The following NKAIN2 variants were observed in gnomAD, a reference collection of about 807,000 sequenced individuals.
The protein encoded by NKAIN2 is sodium/potassium-transporting ATPase subunit beta-1-interacting protein 2.
A neutral mutation model predicts 32.6 loss-of-function variants in NKAIN2; 14 were observed. The observed-to-expected ratio is 0.43, with a 90% CI of 0.28 to 0.67. NKAIN2 has a LOEUF of 0.67. Ranked by LOEUF, NKAIN2 falls within the 30% of genes least tolerant of loss-of-function variation. The pLI, the probability that NKAIN2 is intolerant of heterozygous loss-of-function variation, is 0.17. For synonymous variants in NKAIN2, 80 were observed against 87.2 expected, an observed-to-expected ratio of 0.92 and a Z score of 0.46; for missense variants, 198 against 258.3, an observed-to-expected ratio of 0.77 and a Z score of 1.60.
At chr6:124,136,128 T>C (rs929336556) in intron 1 of NKAIN2, among the ~76,000 whole-genome samples, 1 of 152,108 alleles carries the variant, frequency 6.6e-6, no homozygotes, top group Non-Finnish European at 1.5e-5. Flanking sequence ...GATAAACCAT[T>C]AGCAAGATTT....
chr6:123,806,430 C>T (rs168212), intron 1 of NKAIN2, among the ~76,000 whole-genome samples: 117,534 of 151,924 alleles, frequency 0.77, 46,213 homozygotes, highest in Non-Finnish European at 0.83. Flanking sequence ...GATCACACCT[C>T]AAAGGACCTC....
intron 2 of NKAIN2, among the ~76,000 whole-genome samples, chr6:124,324,337 A>G (rs1310442323): frequency 1.3e-5 from 2 of 152,084 alleles, no homozygotes; most frequent in Non-Finnish European, 1.5e-5. Flanking sequence ...TTCTAGATTT[A>G]TACCTAAGTA....
intron 1 of NKAIN2, among the ~76,000 whole-genome samples, chr6:124,093,974 A>T (rs1455909589): frequency 6.6e-6 from 1 of 152,178 alleles, no homozygotes; most frequent in African/African-American, 2.4e-5. Context: ...GCCTGATTTT[A>T]ACTGGCAGGC....
Position 124,726,132 on chromosome 6 carries a change from G to T in NKAIN2, c.475-65207G>T, listed in dbSNP as rs1177381317. Among the ~76,000 whole-genome samples, 4 of 152,208 alleles carry T rather than the reference G, an allele frequency of 2.6e-5. No homozygotes were observed. In the East Asian group the frequency reaches 7.7e-4, roughly 29 times the overall value. The stretch of plus-strand genomic sequence containing the variant: ...GCAAGGCGGCAGCGAGCCTGGGGGA[G>T]GGGCGCCCACCATTGCCCAGGCTTG... On this transcript the variant is annotated intron_variant, in intron 4 of 6. Transcript: ENST00000368417.
At chr6:124,697,047 T>A (rs1009686182) in intron 4 of NKAIN2, among the ~76,000 whole-genome samples, 4 of 152,150 alleles carry the variant, frequency 2.6e-5, no homozygotes, top group Non-Finnish European at 5.9e-5. Context: ...ACCTCCATTA[T>A]AAAATAAAAA....
At chr6:124,389,493 C>T (rs1012113219) in intron 3 of NKAIN2, among the ~76,000 whole-genome samples, 5 of 152,014 alleles carry the variant, frequency 3.3e-5, no homozygotes, top group Non-Finnish European at 7.4e-5. Context: ...AATTCAAATG[C>T]AAATATGTTA....
At chr6:124,462,430 T>C (rs1395534590) in intron 3 of NKAIN2, among the ~76,000 whole-genome samples, 6 of 151,910 alleles carry the variant, frequency 3.9e-5, no homozygotes, top group Non-Finnish European at 7.4e-5. Flanking sequence ...AATATAAACC[T>C]CTCATCCTTT....
At chr6:124,138,537 G>A (rs1033232191) in intron 1 of NKAIN2, among the ~76,000 whole-genome samples, 3 of 149,938 alleles carry the variant, frequency 2.0e-5, no homozygotes, top group African/African-American at 5.0e-5. Flanking sequence ...ACATTTGCAT[G>A]TCTATGTTTA....
intron 1 of NKAIN2, among the ~76,000 whole-genome samples, chr6:123,940,979 C>T (rs1293044619): frequency 2.0e-5 from 3 of 151,828 alleles, no homozygotes; most frequent in Non-Finnish European, 4.4e-5. Flanking sequence ...TACAGCTCTA[C>T]GAATTTTTTA....
At chr6:124,275,652 C>A (rs1033439280) in intron 1 of NKAIN2, among the ~76,000 whole-genome samples, 4 of 152,038 alleles carry the variant, frequency 2.6e-5, no homozygotes, top group African/African-American at 7.2e-5. Flanking sequence ...TCAAGAAAGA[C>A]CCCCTCCAAA....
chr6:124,617,625 T>A (rs916563503), intron 3 of NKAIN2, among the ~76,000 whole-genome samples: 9 of 152,294 alleles, frequency 5.9e-5, no homozygotes, highest in African/African-American at 2.2e-4. Context: ...AATTATCAGC[T>A]CCTTCAGTGC....
chr6:123,900,548 T>TG (rs1562247255), intron 1 of NKAIN2, among the ~76,000 whole-genome samples: 1 of 102,342 alleles, frequency 9.8e-6, no homozygotes, highest in East Asian at 2.4e-4. Flanking sequence ...TTTTTTTTTT[T>TG]TTTTTTTTTT....
intron 4 of NKAIN2, among the ~76,000 whole-genome samples, chr6:124,706,313 G>A (rs1053366727): frequency 1.1e-4 from 16 of 152,018 alleles, no homozygotes; most frequent in Non-Finnish European, 2.1e-4. Context: ...ATGAGCCTTA[G>A]GCAGGTCCTT....
At chr6:123,916,851 T>C (rs951492083) in intron 1 of NKAIN2, among the ~76,000 whole-genome samples, 1 of 152,100 alleles carries the variant, frequency 6.6e-6, no homozygotes, top group African/African-American at 2.4e-5. Context: ...CCTACCTACC[T>C]ACCTATCTGT....
intron 2 of NKAIN2, among the ~76,000 whole-genome samples, chr6:124,313,805 T>C (rs1379074614): frequency 7.9e-5 from 12 of 152,124 alleles, no homozygotes; most frequent in Admixed American, 7.9e-4. Context: ...GATGGCAAAA[T>C]CAATTTTCAA....
At chr6:124,030,041 A>AAAACAAAC (rs144418162) in intron 1 of NKAIN2, among the ~76,000 whole-genome samples, 339 of 151,986 alleles carry the variant, frequency 2.2e-3, no homozygotes, top group African/African-American at 7.6e-3. Flanking sequence ...CATCTCTACA[A>AAAACAAAC]AAACAAACAA....
At chr6:123,810,265 G>A (rs989014348) in intron 1 of NKAIN2, among the ~76,000 whole-genome samples, 1 of 151,996 alleles carries the variant, frequency 6.6e-6, no homozygotes, top group African/African-American at 2.4e-5. Context: ...CTGAACCTGT[G>A]CCACACTGCA....
chr6:124,375,350 A>G (rs1799941464), intron 3 of NKAIN2, among the ~76,000 whole-genome samples: 3 of 149,304 alleles, frequency 2.0e-5, no homozygotes, highest in African/African-American at 7.3e-5. Flanking sequence ...CCATATACGT[A>G]TCAAGAACAA....
At chr6:124,344,804 C>T (rs1481841118) in intron 2 of NKAIN2, among the ~76,000 whole-genome samples, 1 of 152,176 alleles carries the variant, frequency 6.6e-6, no homozygotes, top group Non-Finnish European at 1.5e-5. Context: ...TTCCTCTTTT[C>T]CTAACTGAAT....
Sources: allele counts gnomAD v4.1 joint callset (sites outside exome capture counted in the v4.1 genomes callset), GRCh38; gene constraint gnomAD v4.1.1; transcripts MANE v1.5; gene names NCBI Gene and HGNC (gene_info 2026-07-23, HGNC 2026-07-21).